RHOBTB3: variants seen among roughly 807,000 people sequenced by gnomAD.
The protein encoded by RHOBTB3 is rho-related BTB domain-containing protein 3.
A neutral mutation model predicts 67.2 loss-of-function variants in RHOBTB3; 47 were observed. That is an observed-to-expected ratio of 0.70 (90% CI 0.55 to 0.89). RHOBTB3 has a LOEUF of 0.89. Ranked by LOEUF, RHOBTB3 falls within the 40% of genes least tolerant of loss-of-function variation. The probability of loss-of-function intolerance (pLI) is 0.00; values close to 1 mark genes in which losing one functional copy is unlikely to be tolerated. For synonymous variants in RHOBTB3, 273 were observed against 274.2 expected, an observed-to-expected ratio of 1.00 and a Z score of 0.04; for missense variants, 631 against 750.0, an observed-to-expected ratio of 0.84 and a Z score of 1.85.
upstream of RHOBTB3, chr5:95,730,986 T>C: frequency 3.4e-6 from 2 of 592,692 alleles, no homozygotes; most frequent in Non-Finnish European, 2.8e-6. Flanking sequence ...CCTAACCTCC[T>C]TTTTCCAGTC....
chr5:95,741,188 C>T (rs1018506563), intron 3 of RHOBTB3, among the ~76,000 whole-genome samples: 9 of 151,786 alleles, frequency 5.9e-5, no homozygotes, highest in Non-Finnish European at 8.8e-5. Context: ...ATTAGCCAGG[C>T]GTGGTGGCAG....
Position 95,731,649 on chromosome 5 carries a change from T to G in RHOBTB3, c.-34T>G, listed in dbSNP as rs376364377. 1 of 1,612,792 alleles carries G rather than the reference T, an allele frequency of 6.2e-7. No homozygotes were observed. Among genetic ancestry groups the G allele is most frequent in the Non-Finnish European group, 8.5e-7 (1 of 1,179,578 alleles). On this transcript the variant is annotated 5_prime_UTR_variant, in exon 1 of 12. Transcript: ENST00000379982. ...GCGAAGCCGTGAGCCGCTGCTTTTC[T>G]CCGAGTCGCCGCCCTGCCCTTGGAT...
intron 4 of RHOBTB3, among the ~76,000 whole-genome samples, chr5:95,750,265 C>T (rs540912511): frequency 6.6e-6 from 1 of 152,248 alleles, no homozygotes; most frequent in African/African-American, 2.4e-5. Context: ...GCCTGCCTTC[C>T]AGCTTTAGAG....
intron 8 of RHOBTB3, among the ~76,000 whole-genome samples, chr5:95,778,462 A>G (rs965081330): frequency 1.1e-4 from 16 of 151,332 alleles, no homozygotes; most frequent in Admixed American, 6.6e-5. Flanking sequence ...TGTGGAACCC[A>G]TGGATTCGGA....
chr5:95,728,236 T>C (rs1755116410), upstream of RHOBTB3, among the ~76,000 whole-genome samples: 1 of 152,184 alleles, frequency 6.6e-6, no homozygotes, highest in Non-Finnish European at 1.5e-5. Context: ...CAGAAATCTC[T>C]TGGGAAGCCT....
intron 3 of RHOBTB3, among the ~76,000 whole-genome samples, chr5:95,741,995 G>A (rs1023298419): frequency 6.6e-6 from 1 of 152,100 alleles, no homozygotes; most frequent in Admixed American, 6.6e-5. Context: ...TGCTTGCAGG[G>A]AGTCATTTCA....
intron 4 of RHOBTB3, among the ~76,000 whole-genome samples, chr5:95,750,484 C>G (rs1745057878): frequency 6.6e-6 from 1 of 152,124 alleles, no homozygotes; most frequent in Non-Finnish European, 1.5e-5. Flanking sequence ...GCATATGAAC[C>G]ATATTTTAGG....
intron 2 of RHOBTB3, among the ~76,000 whole-genome samples, chr5:95,736,275 A>G (rs1177976244): frequency 3.9e-5 from 6 of 152,316 alleles, no homozygotes; most frequent in African/African-American, 1.4e-4. Context: ...ATTCCTTACC[A>G]TGTTAACACC....
intron 2 of RHOBTB3, among the ~76,000 whole-genome samples, chr5:95,734,112 A>C (rs984358574): frequency 6.6e-6 from 1 of 152,228 alleles, no homozygotes. Context: ...ATATAAAAAT[A>C]AAGTGTTACA....
chr5:95,733,593 G>T (rs1306037710), intron 2 of RHOBTB3, among the ~76,000 whole-genome samples: 2 of 152,100 alleles, frequency 1.3e-5, no homozygotes, highest in African/African-American at 4.8e-5. Flanking sequence ...TCTATAGTAC[G>T]GATTTTTGCC....
At chr5:95,720,258 G>C (rs766683043) in intron 1 of RHOBTB3, among the ~76,000 whole-genome samples, 1 of 152,318 alleles carries the variant, frequency 6.6e-6, no homozygotes, top group Non-Finnish European at 1.5e-5. Flanking sequence ...AGGCCAGCCT[G>C]AGCAGCCCAG....
chr5:95,774,798 T>C (rs1193596134), intron 8 of RHOBTB3, among the ~76,000 whole-genome samples: 1 of 152,230 alleles, frequency 6.6e-6, no homozygotes, highest in East Asian at 1.9e-4. Flanking sequence ...ATGTTTTTAA[T>C]GTTCTAGTCT....
intron 8 of RHOBTB3, among the ~76,000 whole-genome samples, chr5:95,778,802 A>G (rs1266841770): frequency 1.3e-5 from 2 of 152,344 alleles, no homozygotes; most frequent in East Asian, 3.9e-4. Context: ...TGCTTTAATT[A>G]TGGAAACTGG....
intron 1 of RHOBTB3, among the ~76,000 whole-genome samples, chr5:95,721,860 G>A (rs568764139): frequency 3.3e-5 from 5 of 152,252 alleles, no homozygotes; most frequent in Middle Eastern, 3.4e-3. Context: ...AATGCCAAAA[G>A]GACTATTCAT....
At chr5:95,744,036 T>TCCTC (rs1755679174) in intron 3 of RHOBTB3, among the ~76,000 whole-genome samples, 1 of 149,366 alleles carries the variant, frequency 6.7e-6, no homozygotes, top group Non-Finnish European at 1.5e-5. Flanking sequence ...TTTCCTTCCT[T>TCCTC]CCTCCCTCCC....
chr5:95,759,016 A>G (rs1189141101), intron 6 of RHOBTB3, among the ~76,000 whole-genome samples: 1 of 152,238 alleles, frequency 6.6e-6, no homozygotes, highest in Non-Finnish European at 1.5e-5. Flanking sequence ...GCTATTCAGA[A>G]CTGGGGCTCT....
chr5:95,765,054 C>T (rs529321913), intron 7 of RHOBTB3, among the ~76,000 whole-genome samples: 139 of 152,192 alleles, frequency 9.1e-4, no homozygotes, highest in African/African-American at 2.3e-3. Context: ...AACTTGTTTA[C>T]GGACCAGTGA....
chr5:95,731,671 G>A lies in RHOBTB3; in HGVS notation c.-12G>A, dbSNP rs1356229959. ...TTCTCCGAGTCGCCGCCCTGCCCTT[G>A]GATTTGAGATCATGTACGTACGCGC... On this transcript the variant is annotated 5_prime_UTR_variant, in exon 1 of 12. Transcript: ENST00000379982. 4 of 1,613,314 alleles carry A rather than the reference G, an allele frequency of 2.5e-6. No individual in the cohort carries two copies. Among genetic ancestry groups the A allele is most frequent in the Non-Finnish European group, 3.4e-6 (4 of 1,179,790 alleles).
chr5:95,757,827 C>T (rs564817627), intron 6 of RHOBTB3, among the ~76,000 whole-genome samples: 1 of 152,246 alleles, frequency 6.6e-6, no homozygotes, highest in East Asian at 1.9e-4. Flanking sequence ...AGAGTAGGCT[C>T]CAGTAGCCGG....
Sources: allele counts gnomAD v4.1 joint callset (sites outside exome capture counted in the v4.1 genomes callset), GRCh38; gene constraint gnomAD v4.1.1; transcripts MANE v1.5; gene names NCBI Gene and HGNC (gene_info 2026-07-23, HGNC 2026-07-21).